The following EPHA4 variants were observed in gnomAD, a reference collection of about 807,000 sequenced individuals.
EPHA4 encodes the protein EPH receptor A4, also known as ephrin type-A receptor 4.
EPHA4 carries 19 observed loss-of-function variants against 108.3 expected under a neutral mutation model. That is an observed-to-expected ratio of 0.18 (90% CI 0.12 to 0.26). EPHA4 has a LOEUF of 0.26. Among genes scored for constraint, EPHA4 ranks in the 10% least tolerant of loss-of-function variants. EPHA4 has a pLI of 1.00. For missense variants in EPHA4, 917 were observed against 1,254.0 expected (o/e 0.73, Z 4.06); for synonymous variants, 449 against 455.5 (o/e 0.99, Z 0.18).
chr2:221,552,791 T>G (rs1274685188), intron 3 of EPHA4, among the ~76,000 whole-genome samples: 1 of 152,214 alleles, frequency 6.6e-6, no homozygotes, highest in Non-Finnish European at 1.5e-5. Context: ...TGAATTTTGA[T>G]CGAGAAATTT....
At chr2:221,497,005 ACCC>A (rs552248899) in intron 4 of EPHA4, among the ~76,000 whole-genome samples, 2 of 151,858 alleles carry the variant, frequency 1.3e-5, no homozygotes, top group Non-Finnish European at 2.9e-5. Context: ...CCTGAGTCCT[ACCC>A]CCCCACCAGA....
chr2:221,495,001 C>CAAAAAAAAAAAAAAA (rs5838887), intron 4 of EPHA4, among the ~76,000 whole-genome samples: 2 of 85,522 alleles, frequency 2.3e-5, no homozygotes, highest in Non-Finnish European at 4.6e-5. Context: ...GCAATGTTGC[C>CAAAAAAAAAAAAAAA]AAAAAAAAAA....
intron 4 of EPHA4, among the ~76,000 whole-genome samples, chr2:221,500,599 G>A (rs545235889): frequency 6.6e-6 from 1 of 152,292 alleles, no homozygotes; most frequent in African/African-American, 2.4e-5. Context: ...GACAACCTAA[G>A]CAATGATCTC....
In EPHA4 at chr2:221,474,484, G is replaced by A. The variant is rs375998554; in HGVS notation, c.1318+7868C>T. 2.9e-4 allele frequency among the ~76,000 whole-genome samples: 44 copies of A among 150,874 alleles called. No homozygotes were observed. In the South Asian group the frequency reaches 9.2e-3, roughly 32 times the overall value. Reference sequence around the variant, plus strand: ...ATGTGCATTTCATAGGCCTTATGAAGTAAACCAGGATCCCATGGCTAGACC... The same window carrying A: ...ATGTGCATTTCATAGGCCTTATGAAATAAACCAGGATCCCATGGCTAGACC... On this transcript the variant is annotated intron_variant, in intron 5 of 17. Transcript: ENST00000281821.
intron 3 of EPHA4, among the ~76,000 whole-genome samples, chr2:221,504,922 AGGT>A (rs1692585774): frequency 6.6e-6 from 1 of 152,212 alleles, no homozygotes; most frequent in African/African-American, 2.4e-5. Context: ...ACCTAGAGTT[AGGT>A]CTGACCTTCA....
chr2:221,438,647 G>A lies in EPHA4; in HGVS notation c.2075-1525C>T, dbSNP rs538179201. Among the ~76,000 whole-genome samples the A allele has an allele frequency of 1.5e-4, 23 of 151,956 alleles. 1 individual carries two copies. The highest frequency in any genetic ancestry group is 5.5e-4 in the African/African-American group (23 of 41,464). On this transcript the variant is annotated intron_variant, in intron 11 of 17. Coordinates refer to ENST00000281821, the MANE Select transcript of EPHA4 (RefSeq NM_004438.5). ...TACTAAAAATACAAAAATTTGCCGG[G>A]TGCAGTACGCACTTGCAGTCCCAGC...
At chr2:221,432,915 C>G (rs13395133) in intron 14 of EPHA4, among the ~76,000 whole-genome samples, 28,148 of 147,330 alleles carry the variant, frequency 0.19, 3,952 homozygotes, top group African/African-American at 0.4. Flanking sequence ...ATCTCTGCCT[C>G]TTAGGTTCTA....
chr2:221,438,568 A>C (rs1000034656), intron 11 of EPHA4, among the ~76,000 whole-genome samples: 1 of 152,130 alleles, frequency 6.6e-6, no homozygotes, highest in Non-Finnish European at 1.5e-5. Context: ...CAGGTGGGTC[A>C]CTTGAGGCAA....
chr2:221,572,274 T>C lies in EPHA4; in HGVS notation c.-26A>G, dbSNP rs895408047. 4.4e-6 allele frequency: 7 copies of C among 1,581,516 alleles called. No individual in the cohort carries two copies. The highest frequency in any genetic ancestry group is 1.7e-5 in the Admixed American group (1 of 59,974). ...GGTTCGCCGGTGCCAACGCTGCTCCTGCCGCTTCTATCCCAGTGGAATAAA... is the reference window on the plus strand; with the variant it reads ...GGTTCGCCGGTGCCAACGCTGCTCCCGCCGCTTCTATCCCAGTGGAATAAA... On this transcript the variant is annotated 5_prime_UTR_variant, in exon 1 of 18. Coordinates refer to ENST00000281821, the MANE Select transcript of EPHA4 (RefSeq NM_004438.5).
intron 2 of EPHA4, among the ~76,000 whole-genome samples, chr2:221,566,529 C>G (rs1258862772): frequency 6.6e-6 from 1 of 151,894 alleles, no homozygotes; most frequent in Non-Finnish European, 1.5e-5. Context: ...TTCTCAATGG[C>G]TACTGTGTAT....
intron 17 of EPHA4, among the ~76,000 whole-genome samples, chr2:221,423,438 G>A (rs1689811679): frequency 6.6e-6 from 1 of 152,166 alleles, no homozygotes; most frequent in Non-Finnish European, 1.5e-5. Context: ...CACTTTTACT[G>A]TTGCTGGATA....
intron 8 of EPHA4, among the ~76,000 whole-genome samples, chr2:221,450,451 T>C (rs1574573418): frequency 6.6e-6 from 1 of 152,246 alleles, no homozygotes; most frequent in African/African-American, 2.4e-5. Context: ...TAGCAGAGTC[T>C]TGAAGCTTTG....
intron 3 of EPHA4, among the ~76,000 whole-genome samples, chr2:221,512,507 T>A (rs1296486182): frequency 6.6e-6 from 1 of 152,204 alleles, no homozygotes; most frequent in Non-Finnish European, 1.5e-5. Context: ...AGGATCAAGC[T>A]TTTTGATGAG....
rs1689661958 is a variant in EPHA4 at position 221,418,843 on chromosome 2, G to C, written c.*2529C>G. ...ACCTCTGGAAAAGATGAACTGCTCA[G>C]AAGAGTCAACCTCATTTCTTTATAC... On this transcript the variant is annotated 3_prime_UTR_variant, in exon 18 of 18. Coordinates refer to ENST00000281821, the MANE Select transcript of EPHA4 (RefSeq NM_004438.5). 6.6e-6 allele frequency: 1 copy of C among 152,574 alleles called. No homozygotes were observed. The highest frequency in any genetic ancestry group is 6.5e-5 in the Admixed American group (1 of 15,272). The allele number at this position is 152,574 out of a possible 1,614,324, so 9.5% of individuals were successfully genotyped here. A position where few individuals can be genotyped will look rare whatever the true frequency, so the allele number is the denominator to read the frequency against.
At chr2:221,561,712 TTCTTTC>T (rs1187174736) in intron 3 of EPHA4, among the ~76,000 whole-genome samples, 1 of 152,232 alleles carries the variant, frequency 6.6e-6, no homozygotes, top group African/African-American at 2.4e-5. Context: ...TTTTTCTCTT[TTCTTTC>T]TAATTTTGGT....
At position 221,425,930 on chromosome 2, in the gene EPHA4, A is replaced by G; in HGVS notation, c.*98T>C. ...TTTTTTTTTTCATTTCTTTAATTTC[A>G]GAGGGCGAAGACGAAGTAAAAAAAG... On this transcript the variant is annotated 3_prime_UTR_variant, in exon 17 of 18. Coordinates refer to ENST00000281821, the MANE Select transcript of EPHA4 (RefSeq NM_004438.5). 1.1e-6 allele frequency: 1 copy of G among 949,700 alleles called. No homozygotes were observed. The allele number at this position is 949,700 out of a possible 1,614,324, so 58.8% of individuals were successfully genotyped here.
chr2:221,463,753 G>A (rs550704736), intron 5 of EPHA4, among the ~76,000 whole-genome samples: 1 of 152,146 alleles, frequency 6.6e-6, no homozygotes, highest in Non-Finnish European at 1.5e-5. Context: ...TCATTTTACT[G>A]CAGCAGTTTG....
intron 3 of EPHA4, among the ~76,000 whole-genome samples, chr2:221,534,130 C>G (rs1228102928): frequency 6.6e-6 from 1 of 152,156 alleles, no homozygotes; most frequent in Non-Finnish European, 1.5e-5. Context: ...TGAAGGATAA[C>G]AGATGAGATT....
chr2:221,431,164 A>G (rs924764088), intron 14 of EPHA4, among the ~76,000 whole-genome samples: 3 of 152,220 alleles, frequency 2.0e-5, no homozygotes, highest in African/African-American at 7.2e-5. Context: ...ACCTTTGTTT[A>G]TGGATATCCT....
Sources: gnomAD v4.1 joint callset for allele counts (sites outside exome capture counted in the v4.1 genomes callset) on GRCh38, gnomAD v4.1.1 for gene constraint, MANE v1.5 for transcripts, NCBI Gene and HGNC (gene_info 2026-07-23, HGNC 2026-07-21) for gene names.